The following SGCD variants were observed in gnomAD, a reference collection of about 807,000 sequenced individuals.
SGCD encodes sarcoglycan delta.
In SGCD, 18 loss-of-function variants were observed where a neutral mutation model predicts 36.6. That is an observed-to-expected ratio of 0.49 (90% CI 0.34 to 0.73). SGCD has a LOEUF of 0.73. Among genes scored for constraint, SGCD ranks in the 30% least tolerant of loss-of-function variants. SGCD has a pLI of 0.01. For missense variants in SGCD, 387 were observed against 346.7 expected, an observed-to-expected ratio of 1.12 and a Z score of -0.92; for synonymous variants, 133 against 130.6, an observed-to-expected ratio of 1.02 and a Z score of -0.12.
chr5:156,736,928 T>TAAATACCATTTCAGGCTTCTCATGTTACC (rs1477022440), intron 7 of SGCD, among the ~76,000 whole-genome samples: 4 of 152,138 alleles, frequency 2.6e-5, no homozygotes, highest in Non-Finnish European at 5.9e-5. Flanking sequence ...ATATCGCTTT[T>TAAATACCATTTCAGGCTTCTCATGTTACC]AAATACCATT....
the SGCD span, among the ~76,000 whole-genome samples, chr5:155,810,795 C>CTTTTTTTTT: frequency 1.1e-4 from 4 of 35,334 alleles, 2 homozygotes; most frequent in Non-Finnish European, 2.1e-4. Flanking sequence ...TTAGTGTCTG[C>CTTTTTTTTT]TTTTTTTTTT....
At chr5:155,895,687 C>CAA (rs11361236) in intron 1 of SGCD, among the ~76,000 whole-genome samples, 91 of 139,546 alleles carry the variant, frequency 6.5e-4, no homozygotes, top group African/African-American at 2.4e-3. Context: ...GTAATGGCAC[C>CAA]AAAAAAAAAA....
intron 3 of SGCD, among the ~76,000 whole-genome samples, chr5:156,216,585 A>G (rs1300269417): frequency 6.6e-6 from 1 of 152,216 alleles, no homozygotes; most frequent in Non-Finnish European, 1.5e-5. Context: ...TGAGTCCTGC[A>G]TAGCACCTTT....
chr5:156,414,827 C>G (rs1052117805), intron 3 of SGCD, among the ~76,000 whole-genome samples: 3 of 152,100 alleles, frequency 2.0e-5, no homozygotes, highest in African/African-American at 7.2e-5. Flanking sequence ...AGTGATTTTT[C>G]TAGCATTTGG....
chr5:156,564,466 A>G (rs1759396815), intron 4 of SGCD, among the ~76,000 whole-genome samples: 1 of 152,130 alleles, frequency 6.6e-6, no homozygotes, highest in South Asian at 2.1e-4. Flanking sequence ...AAACAAAACA[A>G]AACAATTTAA....
rs528178720 is a variant in SGCD at position 156,580,803 on chromosome 5, A to G, written c.295-8428A>G. Among the ~76,000 whole-genome samples the G allele has an allele frequency of 2.0e-5, 3 of 152,240 alleles. No individual in the cohort carries two copies. In the East Asian group the frequency reaches 5.8e-4, roughly 29 times the overall value. On this transcript the variant is annotated intron_variant, in intron 4 of 8. Transcript: ENST00000337851. ...TTTATTCTAGTTAGCCATTCATCTA[A>G]TCTTTTTTCAAGGTTTTTAGCTTCC... is the stretch of plus-strand genomic sequence containing the variant.
chr5:156,601,655 C>A (rs1430623913), intron 6 of SGCD, among the ~76,000 whole-genome samples: 1 of 151,956 alleles, frequency 6.6e-6, no homozygotes, highest in East Asian at 1.9e-4. Flanking sequence ...TTTCCTATTT[C>A]TGTGAATAAT....
At chr5:155,889,899 C>G (rs1756085597) in intron 1 of SGCD, among the ~76,000 whole-genome samples, 1 of 152,130 alleles carries the variant, frequency 6.6e-6, no homozygotes, top group Non-Finnish European at 1.5e-5. Flanking sequence ...AAGGCTTGGG[C>G]CAGCCAACCT....
the SGCD span, among the ~76,000 whole-genome samples, chr5:155,729,140 G>A: frequency 6.6e-6 from 1 of 152,234 alleles, no homozygotes; most frequent in Admixed American, 6.5e-5. Flanking sequence ...ATTGCCGCGG[G>A]GGTTTCCCCA....
chr5:156,337,800 A>G (rs1308478842), intron 2 of SGCD, among the ~76,000 whole-genome samples: 4 of 152,198 alleles, frequency 2.6e-5, no homozygotes, highest in Admixed American at 2.6e-4. Context: ...TCTAGGACCT[A>G]CTGACATATA....
chr5:155,936,969 G>A (rs1757219025), intron 1 of SGCD, among the ~76,000 whole-genome samples: 1 of 152,206 alleles, frequency 6.6e-6, no homozygotes, highest in African/African-American at 2.4e-5. Flanking sequence ...GCACCCAGGA[G>A]CCCCGCCCTC....
intron 3 of SGCD, among the ~76,000 whole-genome samples, chr5:156,144,522 T>A (rs1762665395): frequency 6.6e-6 from 1 of 152,224 alleles, no homozygotes; most frequent in Non-Finnish European, 1.5e-5. Context: ...GTCTTTTGGC[T>A]GCATAAATGT....
chr5:155,957,075 C>T (rs752822090), intron 1 of SGCD, among the ~76,000 whole-genome samples: 15 of 150,814 alleles, frequency 9.9e-5, no homozygotes, highest in South Asian at 2.1e-4. Context: ...AGAAGTGATG[C>T]GGTTTTGAAT....
chr5:156,750,648 G>GAA (rs751263707), intron 7 of SGCD, among the ~76,000 whole-genome samples: 2 of 101,124 alleles, frequency 2.0e-5, no homozygotes, highest in African/African-American at 3.7e-5. Flanking sequence ...CTCTGTCTCA[G>GAA]AAAAAAAAAA....
At chr5:156,410,054 A>G (rs893592671) in intron 3 of SGCD, among the ~76,000 whole-genome samples, 2 of 152,182 alleles carry the variant, frequency 1.3e-5, no homozygotes, top group African/African-American at 4.8e-5. Flanking sequence ...AATAATTTCA[A>G]TCTGGCTTCT....
chr5:156,320,849 A>G (rs1767645002), intron 3 of SGCD, among the ~76,000 whole-genome samples: 1 of 152,224 alleles, frequency 6.6e-6, no homozygotes, highest in Admixed American at 6.5e-5. Flanking sequence ...CTTCAAAGTC[A>G]GTCAGATAAT....
intron 1 of SGCD, among the ~76,000 whole-genome samples, chr5:155,985,886 A>T (rs527754871): frequency 6.6e-6 from 1 of 152,158 alleles, no homozygotes; most frequent in Non-Finnish European, 1.5e-5. Flanking sequence ...CCCCTTTCAC[A>T]GAAATGCCTC....
intron 3 of SGCD, among the ~76,000 whole-genome samples, chr5:156,375,136 TTCTC>T (rs888997310): frequency 1.6e-4 from 25 of 152,144 alleles, no homozygotes; most frequent in Non-Finnish European, 2.9e-5. Flanking sequence ...TTCCCTTTCC[TTCTC>T]TCTGTCAACC....
chr5:156,549,177 A>G lies in SGCD; in HGVS notation c.295-40054A>G, dbSNP rs567754203. Among the ~76,000 whole-genome samples, 6 of 149,744 alleles carry G rather than the reference A, an allele frequency of 4.0e-5. No homozygotes were observed. The South Asian group carries it at 1.2e-3, about 31-fold the overall frequency. On this transcript the variant is annotated intron_variant, in intron 4 of 8. Coordinates refer to ENST00000337851, the MANE Select transcript of SGCD (RefSeq NM_000337.6). ...AACATTCTATAAACATTTAAATATG[A>G]TATTACCTTGCCCAAGGTATGACAT...
Sources: allele counts gnomAD v4.1 joint callset (sites outside exome capture counted in the v4.1 genomes callset), GRCh38; gene constraint gnomAD v4.1.1; transcripts MANE v1.5; gene names NCBI Gene and HGNC (gene_info 2026-07-23, HGNC 2026-07-21).